Variants in ANKRD11 observed in about 807,000 individuals in gnomAD.
ANKRD11 encodes the protein ankyrin repeat domain 11, also known as ankyrin repeat domain-containing protein 11.
A neutral mutation model predicts 195.7 loss-of-function variants in ANKRD11; 17 were observed. That is an observed-to-expected ratio of 0.09 (90% confidence interval 0.06 to 0.13). ANKRD11 has a LOEUF of 0.13. Among genes scored for constraint, ANKRD11 ranks in the 10% least tolerant of loss-of-function variants. The pLI is 1.00. For synonymous variants in ANKRD11, 1,953 were observed against 1,528.1 expected, an observed-to-expected ratio of 1.28 and a Z score of -6.49; for missense variants, 3,735 against 3,566.1, an observed-to-expected ratio of 1.05 and a Z score of -1.21.
At chr16:89,274,998 C>A (rs747782392) in intron 10 of ANKRD11, 41 bp from the exon 11 acceptor site, 31 of 1,612,768 alleles carry the variant, frequency 1.9e-5, no homozygotes, top group Middle Eastern at 3.3e-4. Context: ...GACACAGCCA[C>A]GCTCCAGGCC....
chr16:89,487,008 C>CAA lies in ANKRD11; in HGVS notation c.-145+3235_-145+3236dup, dbSNP rs11384395. ...TGGGCAACAAAGCGAGACTCCGTCT[C>CAA]AAAAAAAAAAAAAAGAAAAAAACAA... On this transcript the variant is annotated intron_variant, in intron 1 of 12. Coordinates refer to ENST00000301030, the MANE Select transcript of ANKRD11 (RefSeq NM_013275.6). Among the ~76,000 whole-genome samples, 276 of 126,428 alleles carry CAA rather than the reference C, an allele frequency of 2.2e-3. 4 individuals carry two copies. In the South Asian group the frequency reaches 0.035, roughly 16 times the overall value. 82.9% of individuals were successfully genotyped at this position (126,428 alleles called of 152,430 possible). A position where few individuals can be genotyped will look rare whatever the true frequency, so the allele number is the denominator to read the frequency against.
intron 3 of ANKRD11, among the ~76,000 whole-genome samples, chr16:89,309,942 C>T (rs1421195494): frequency 6.6e-6 from 1 of 152,180 alleles, no homozygotes; most frequent in African/African-American, 2.4e-5. Context: ...GCTTCTCCTC[C>T]TTATGACACG....
rs147285830 is a variant in ANKRD11, at chr16:89,282,151, T to C, written c.4391A>G (p.Lys1464Arg). The change falls in exon 9 of 13, where the codon AAA becomes AGA. Residue 1464 changes from lysine to arginine, a missense_variant. Lys to Arg is a conservative substitution (Grantham distance 26). Transcript: ENST00000301030. Reference sequence around the variant, plus strand: ...CTCGTCTCTCCATTTCTCCCTGTGTTTCTCTCTCTTCTTCTTCTCTTTTAG... The same window carrying C: ...CTCGTCTCTCCATTTCTCCCTGTGTCTCTCTCTCTTCTTCTTCTCTTTTAG... ...NILKEKKKRE[K>R]HREKWRDEKE... The C allele has an allele frequency of 2.8e-4, 450 of 1,613,880 alleles. No homozygotes were observed. The highest frequency in any genetic ancestry group is 3.7e-4 in the Non-Finnish European group (438 of 1,180,004).
chr16:89,275,014 G>T (rs2033522404), intron 10 of ANKRD11, 57 bp from the exon 11 acceptor site: 1 of 1,612,040 alleles, frequency 6.2e-7, no homozygotes, highest in African/African-American at 1.3e-5. Context: ...AGGCCCCACT[G>T]TCAACACGAC....
intron 2 of ANKRD11, among the ~76,000 whole-genome samples, chr16:89,380,758 C>T (rs893260575): frequency 3.3e-5 from 5 of 152,212 alleles, no homozygotes; most frequent in African/African-American, 9.7e-5. Flanking sequence ...CTGGAGGCCT[C>T]GTGGGGCATC....
chr16:89,421,966 A>T (rs1002108596), intron 1 of ANKRD11, among the ~76,000 whole-genome samples: 1 of 152,162 alleles, frequency 6.6e-6, no homozygotes, highest in African/African-American at 2.4e-5. Flanking sequence ...AGTCGGCTAC[A>T]CGCATTCTGT....
Position 89,281,636 on chromosome 16 carries a change from C to G in ANKRD11, c.4906G>C (p.Asp1636His). ...PADDGRKKGL[D>H]IPAKKPPGLD... ...CCCGGCGGTTTCTTAGCAGGAATGT[C>G]CAGACCCTTCTTCCGCCCGTCGTCT... Residue 1636 changes from aspartate (D) to histidine (H), a missense_variant, in exon 9 of 13, where the codon GAC becomes CAC. Coordinates refer to ENST00000301030, the MANE Select transcript of ANKRD11 (RefSeq NM_013275.6). The surrounding 1 kb of genome is among the most constrained non-coding windows in gnomAD (Gnocchi z 5.5). 1 of 1,614,202 alleles carries G rather than the reference C, an allele frequency of 6.2e-7. No individual in the cohort carries two copies. Among genetic ancestry groups the G allele is most frequent in the South Asian group, 1.1e-5 (1 of 91,084 alleles).
At chr16:89,486,826 T>G (rs1490109431) in intron 1 of ANKRD11, among the ~76,000 whole-genome samples, 4 of 151,944 alleles carry the variant, frequency 2.6e-5, no homozygotes, top group Non-Finnish European at 5.9e-5. Context: ...GCCAACATGG[T>G]GAAACTCCAG....
intron 6 of ANKRD11, 131 bp from the exon 7 acceptor site, chr16:89,288,801 T>A: frequency 7.7e-7 from 1 of 1,306,892 alleles, no homozygotes; most frequent in Non-Finnish European, 1.1e-6. Context: ...TAGTGAGGGC[T>A]GCAGTTTAGG....
At chr16:89,428,078 C>T (rs536715747) in intron 1 of ANKRD11, among the ~76,000 whole-genome samples, 12 of 151,106 alleles carry the variant, frequency 7.9e-5, no homozygotes, top group South Asian at 2.1e-4. Context: ...CATGGTGGCG[C>T]GCGCCTGTAA....
chr16:89,447,709 T>C (rs2043860601), intron 1 of ANKRD11, among the ~76,000 whole-genome samples: 1 of 152,148 alleles, frequency 6.6e-6, no homozygotes. Flanking sequence ...AGTGCTGGGA[T>C]TACAGGCGTG....
In ANKRD11 at chr16:89,285,588, G is replaced by A; in HGVS notation, c.954C>T (p.Asn318=). The A allele has an allele frequency of 1.2e-6, 2 of 1,614,208 alleles. No individual in the cohort carries two copies. Among genetic ancestry groups the A allele is most frequent in the South Asian group, 2.2e-5 (2 of 91,080 alleles). Residue 318 remains asparagine, a synonymous_variant, in exon 9 of 13, where the codon AAC becomes AAT. Coordinates refer to ENST00000301030, the MANE Select transcript of ANKRD11 (RefSeq NM_013275.6). This position sits in a 1 kb window ranked among gnomAD's most constrained non-coding sequence, Gnocchi z 5.6. ...GGCCTTTTTCGAACTCGGAGTCCGT[G>A]TTGTTGCCGTCGACTGAACTGGAAG... is the stretch of plus-strand genomic sequence containing the variant. ...FAPSSSVDGN[N]TDSEFEKGLK... is the part of the protein sequence containing the mutation.
At chr16:89,485,081 CG>C (rs35093123) in intron 1 of ANKRD11, among the ~76,000 whole-genome samples, 71,403 of 151,842 alleles carry the variant, frequency 0.47, 17,459 homozygotes, top group East Asian at 0.66. Flanking sequence ...CAACAGGATT[CG>C]GTCCTCTAGG....
intron 2 of ANKRD11, chr16:89,395,641 G>C (rs925187169): frequency 2.0e-5 from 3 of 152,256 alleles, no homozygotes; most frequent in Admixed American, 6.5e-5. Flanking sequence ...AAGTGATACA[G>C]ACTCTTCTAA....
chr16:89,427,664 T>G (rs543587757), intron 1 of ANKRD11, among the ~76,000 whole-genome samples: 1 of 151,732 alleles, frequency 6.6e-6, no homozygotes, highest in East Asian at 2.0e-4. Context: ...CTGGGTGTGG[T>G]GGCACATGCC....
chr16:89,317,186 C>T (rs1342688429), intron 2 of ANKRD11, 108 bp from the exon 3 acceptor site: 2 of 839,652 alleles, frequency 2.4e-6, no homozygotes, highest in Non-Finnish European at 3.9e-6. Flanking sequence ...CAGGCAGCTG[C>T]TCTGATCAGG....
chr16:89,447,069 C>T (rs926495640), intron 1 of ANKRD11, among the ~76,000 whole-genome samples: 10 of 152,128 alleles, frequency 6.6e-5, no homozygotes, highest in African/African-American at 2.2e-4. Flanking sequence ...TACGAAGACA[C>T]TGCATGAAAG....
chr16:89,332,098 G>C (rs1271936574), intron 2 of ANKRD11, among the ~76,000 whole-genome samples: 1 of 151,900 alleles, frequency 6.6e-6, no homozygotes, highest in East Asian at 1.9e-4. Flanking sequence ...GACCAGACTG[G>C]GCAACATGGC....
chr16:89,335,912 G>C (rs2038328084), intron 2 of ANKRD11, among the ~76,000 whole-genome samples: 1 of 152,202 alleles, frequency 6.6e-6, no homozygotes. Context: ...TGACTGGCCA[G>C]ACCCCTGCCT....
Sources: allele counts gnomAD v4.1 joint callset (sites outside exome capture counted in the v4.1 genomes callset), GRCh38; gene constraint gnomAD v4.1.1; non-coding constraint Gnocchi (gnomAD v3.1); transcripts MANE v1.5; gene names NCBI Gene and HGNC (gene_info 2026-07-23, HGNC 2026-07-21).